RBP3: variants seen among roughly 807,000 people sequenced by gnomAD.
The protein encoded by RBP3 is retinol binding protein 3.
In RBP3, 50 loss-of-function variants were observed where a neutral mutation model predicts 64.8. The ratio of observed to expected loss-of-function variants is 0.77; its 90% CI spans 0.61 to 0.98. The LOEUF is 0.98. RBP3 is among the 50% of genes least tolerant of loss of function. The probability of loss-of-function intolerance (pLI) is 0.00; values close to 1 mark genes in which losing one functional copy is unlikely to be tolerated. For missense variants in RBP3, 1,712 were observed against 1,660.5 expected (o/e 1.03, Z -0.54); for synonymous variants, 828 against 730.2 (o/e 1.13, Z -2.16).
chr10:47,349,720 C>T lies in RBP3; in HGVS notation c.1236C>T (p.Ala412=), dbSNP rs782606625. The T allele has an allele frequency of 1.2e-6, 2 of 1,612,146 alleles. No homozygotes were observed. Among genetic ancestry groups the T allele is most frequent in the African/African-American group, 1.3e-5 (1 of 75,052 alleles). The change falls in exon 1 of 4, where the codon GCC becomes GCT. Residue 412 remains alanine (A), a synonymous_variant. Coordinates refer to ENST00000584701, the MANE Select transcript of RBP3 (RefSeq NM_002900.3). ...DAAAEDSPGV[A]PELPEDEAIR... ...CAGCCGAAGACTCACCAGGGGTGGC[C>T]CCAGAGTTGCCTGAGGACGAGGCTA...
chr10:47,349,444 C>T lies in RBP3; in HGVS notation c.960C>T (p.Leu320=), dbSNP rs1216479686. ...CCCTGGAGAAAGCCCTGGCCATCCT[C>T]ACTCTGCGCAGCGCCCTTCCAGGGG... ...EQALEKALAI[L]TLRSALPGVV... is the part of the protein sequence containing the mutation. Residue 320 remains leucine (L), a synonymous_variant, in exon 1 of 4, where the codon CTC becomes CTT. Coordinates refer to ENST00000584701, the MANE Select transcript of RBP3 (RefSeq NM_002900.3). 17 of 1,612,488 alleles carry T rather than the reference C, an allele frequency of 1.1e-5. No homozygotes were observed. The highest frequency in any genetic ancestry group is 1.4e-5 in the Non-Finnish European group (17 of 1,180,014).
At position 47,350,477 on chromosome 10, in the gene RBP3, C is replaced by T. The variant is rs782074671; in HGVS notation, c.1993C>T (p.Arg665Trp). The T allele has an allele frequency of 1.2e-5, 20 of 1,612,342 alleles. No individual in the cohort carries two copies. The highest frequency in any genetic ancestry group is 8.3e-5 in the Admixed American group (5 of 59,988). The change falls in exon 1 of 4, where the codon CGG becomes TGG. Residue 665 changes from arginine to tryptophan, a missense_variant. By Grantham distance (101) the Arg-to-Trp change is moderately radical. Transcript: ENST00000584701. ...EVVGQTSALL[R>W]AKLAQGAYRT... ...CGTGGGGCAGACCAGTGCCCTCCTGCGGGCCAAGCTGGCCCAGGGCGCCTA... is the reference window on the plus strand; with the variant it reads ...CGTGGGGCAGACCAGTGCCCTCCTGTGGGCCAAGCTGGCCCAGGGCGCCTA...
At position 47,350,142 on chromosome 10, in the gene RBP3, C is replaced by T. The variant is rs1555211270; in HGVS notation, c.1658C>T (p.Ala553Val). Residue 553 changes from alanine to valine, a missense_variant, in exon 1 of 4, where the codon GCC becomes GTC. Ala to Val is a moderately conservative substitution (Grantham distance 64). Transcript: ENST00000584701. ...ACCGCCACGGCCGCGGAGGAGTTCG[C>T]CTTCCTTATGCAGTCGCTGGGCTGG... ...HRTATAAEEF[A>V]FLMQSLGWAT... 2 of 1,612,806 alleles carry T rather than the reference C, an allele frequency of 1.2e-6. No individual in the cohort carries two copies. Among genetic ancestry groups the T allele is most frequent in the African/African-American group, 1.3e-5 (1 of 74,940 alleles).
Position 47,353,481 on chromosome 10 carries a change from A to G in RBP3, c.3211A>G (p.Ile1071Val), listed in dbSNP as rs782353104. 11 of 1,614,118 alleles carry G rather than the reference A, an allele frequency of 6.8e-6. No individual in the cohort carries two copies. The highest frequency in any genetic ancestry group is 9.3e-6 in the Non-Finnish European group (11 of 1,180,028). ...GCTGGTGGAGCACATCTGGAAGAAG[A>G]TCATGCACACGGATGCCATGATCAT... ...RLLVEHIWKK[I>V]MHTDAMIIDM... Residue 1071 changes from isoleucine to valine, a missense_variant, in exon 2 of 4, where the codon ATC becomes GTC. Ile to Val is a conservative substitution (Grantham distance 29). Transcript: ENST00000584701.
rs1836970519 is a variant in RBP3 at position 47,351,349 on chromosome 10, CGA to C, written c.2867_2868del (p.Glu956AlafsTer32). On this transcript the variant is annotated frameshift_variant, in exon 1 of 4. Transcript: ENST00000584701. LOFTEE classifies it high-confidence loss of function. ...TGGTGGCTGATAACTATGCCTCTGC[CGA>C]GCTGGGGGCCAAGATGGCCACCAAA... ...KLVADNYASA[E>X]LGAKMATKLS... 1 of 1,613,418 alleles carries C rather than the reference CGA, an allele frequency of 6.2e-7. No individual in the cohort carries two copies. The highest frequency in any genetic ancestry group is 8.5e-7 in the Non-Finnish European group (1 of 1,180,042).
In RBP3 at chr10:47,357,617, C is replaced by T; in HGVS notation, c.*160C>T. Reference sequence around the variant, plus strand: ...CTGGAGGTGTGTATATATACACACACACACATGTATATACACATATATATG... The same window carrying T: ...CTGGAGGTGTGTATATATACACACATACACATGTATATACACATATATATG... On this transcript the variant is annotated 3_prime_UTR_variant, in exon 4 of 4. Coordinates refer to ENST00000584701, the MANE Select transcript of RBP3 (RefSeq NM_002900.3). 1.6e-6 allele frequency: 1 copy of T among 608,128 alleles called. No individual in the cohort carries two copies. The highest frequency in any genetic ancestry group is 2.9e-6 in the Non-Finnish European group (1 of 339,694). The allele number at this position is 608,128 out of a possible 1,614,324, so 37.7% of individuals were successfully genotyped here.
chr10:47,356,354 C>T (rs1837046780), intron 3 of RBP3, among the ~76,000 whole-genome samples: 2 of 152,068 alleles, frequency 1.3e-5, no homozygotes. Flanking sequence ...CTCAATTCTG[C>T]AGATAATGAG....
chr10:47,349,411 C>A lies in RBP3; in HGVS notation c.927C>A (p.Ala309=). The A allele has an allele frequency of 1.2e-6, 2 of 1,611,884 alleles. No homozygotes were observed. Among genetic ancestry groups the A allele is most frequent in the South Asian group, 1.1e-5 (1 of 91,070 alleles). ...TGCTGCCCTGTGTGGGGACTCCGGC[C>A]GAGCAGGCCCTGGAGAAAGCCCTGG... is the stretch of plus-strand genomic sequence containing the variant. ...SGVLPCVGTP[A]EQALEKALAI... is the part of the protein sequence containing the mutation. The change falls in exon 1 of 4, where the codon GCC becomes GCA. Residue 309 remains alanine, a synonymous_variant. Coordinates refer to ENST00000584701, the MANE Select transcript of RBP3 (RefSeq NM_002900.3).
rs1555211803 is a variant in RBP3, at chr10:47,353,503, T to C, written c.3233T>C (p.Ile1078Thr). 1.2e-6 allele frequency: 2 copies of C among 1,613,968 alleles called. No homozygotes were observed. Among genetic ancestry groups the C allele is most frequent in the Admixed American group, 3.3e-5 (2 of 60,010 alleles). Reference sequence around the variant, plus strand: ...AAGATCATGCACACGGATGCCATGATCATCGACATGAGGTCAGTGGCCAGG... The same window carrying C: ...AAGATCATGCACACGGATGCCATGACCATCGACATGAGGTCAGTGGCCAGG... ...WKKIMHTDAM[I>T]IDMRFNIGGP... Residue 1078 changes from isoleucine (I) to threonine (T), a missense_variant, in exon 2 of 4, where the codon ATC becomes ACC. Transcript: ENST00000584701.
Position 47,350,348 on chromosome 10 carries a change from GC to G in RBP3, c.1867del (p.Leu623TrpfsTer78). ...CGATGCCATCGTGCTGGCCGAGGAG[GC>G]CCTGGACAAAGCCCAGGAAGTGCTG... ...VPDAIVLAEE[A>X]LDKAQEVLEF... On this transcript the variant is annotated frameshift_variant, in exon 1 of 4. Transcript: ENST00000584701. LOFTEE classifies it high-confidence loss of function. 1 of 1,612,194 alleles carries G rather than the reference GC, an allele frequency of 6.2e-7. No individual in the cohort carries two copies. Among genetic ancestry groups the G allele is most frequent in the Non-Finnish European group, 8.5e-7 (1 of 1,179,966 alleles).
At chr10:47,355,903 A>C (rs1837041414) in intron 3 of RBP3, among the ~76,000 whole-genome samples, 1 of 152,144 alleles carries the variant, frequency 6.6e-6, no homozygotes, top group Non-Finnish European at 1.5e-5. Context: ...GGGCATTGCC[A>C]GTGCTCACAG....
Position 47,350,875 on chromosome 10 carries a change from C to G in RBP3, c.2391C>G (p.Cys797Trp). 1 of 1,612,672 alleles carries G rather than the reference C, an allele frequency of 6.2e-7. No homozygotes were observed. Among genetic ancestry groups the G allele is most frequent in the Non-Finnish European group, 8.5e-7 (1 of 1,179,916 alleles). ...ACTCCACGGCCATCCCGCTGCTCTG[C>G]TCCTACTTCTTTGAGGCAGAGCCCC... Reference protein sequence around the residue: ...GSYSTAIPLLCSYFFEAEPRQ... With the variant: ...GSYSTAIPLLWSYFFEAEPRQ... Residue 797 changes from cysteine (C) to tryptophan (W), a missense_variant, in exon 1 of 4, where the codon TGC becomes TGG. Coordinates refer to ENST00000584701, the MANE Select transcript of RBP3 (RefSeq NM_002900.3).
chr10:47,353,609 C>A, intron 2 of RBP3, 94 bp downstream of exon 2: 1 of 1,466,770 alleles, frequency 6.8e-7, no homozygotes, highest in East Asian at 2.3e-5. Context: ...AAAAGGAACC[C>A]TGTGACACAG....
At position 47,350,939 on chromosome 10, in the gene RBP3, A is replaced by G. The variant is rs782751104; in HGVS notation, c.2455A>G (p.Lys819Glu). 4.3e-6 allele frequency: 7 copies of G among 1,612,964 alleles called. No individual in the cohort carries two copies. Among genetic ancestry groups the G allele is most frequent in the Non-Finnish European group, 5.9e-6 (7 of 1,180,006 alleles). Residue 819 changes from lysine to glutamate, a missense_variant, in exon 1 of 4, where the codon AAA becomes GAA. Coordinates refer to ENST00000584701, the MANE Select transcript of RBP3 (RefSeq NM_002900.3). ...TTCTGTCTTTGACAGGGCCACCTCA[A>G]AAGTCACGGAGGTGTGGACCTTGCC... ...LYSVFDRATSKVTEVWTLPQV... is the reference protein window; with the variant it reads ...LYSVFDRATSEVTEVWTLPQV...
chr10:47,357,022 C>A (rs1837055510), intron 3 of RBP3, 80 bp from the exon 4 acceptor site: 4 of 1,358,956 alleles, frequency 2.9e-6, no homozygotes, highest in East Asian at 4.9e-5. Flanking sequence ...TCCATCACTG[C>A]AGGCCCAGGC....
chr10:47,350,246 AGCCTCGC>A lies in RBP3; in HGVS notation c.1765_1771del (p.Leu589SerfsTer110). 6.2e-7 allele frequency: 1 copy of A among 1,607,650 alleles called. No homozygotes were observed. The highest frequency in any genetic ancestry group is 2.2e-5 in the East Asian group (1 of 44,884). On this transcript the variant is annotated frameshift_variant, in exon 1 of 4. Transcript: ENST00000584701. LOFTEE classifies it high-confidence loss of function. ...GCCGCTGCTGGACACACCCGAAGGC[AGCCTCGC>A]GCTCACCGTGCCGGTCCTCACCTTC...
rs1364272213 is a variant in RBP3 at position 47,349,887 on chromosome 10, TACAGG to T, written c.1407_1411del (p.Gln469HisfsTer30). 2 of 1,613,006 alleles carry T rather than the reference TACAGG, an allele frequency of 1.2e-6. No individual in the cohort carries two copies. The highest frequency in any genetic ancestry group is 1.7e-6 in the Non-Finnish European group (2 of 1,179,978). On this transcript the variant is annotated frameshift_variant, in exon 1 of 4. Coordinates refer to ENST00000584701, the MANE Select transcript of RBP3 (RefSeq NM_002900.3). LOFTEE classifies it high-confidence loss of function. The stretch of plus-strand genomic sequence containing the variant: ...GTCCTGCGCCAGGTGTGGGAGCCGC[TACAGG>T]ACACGGAGCACCTCATCATGGACCT...
Position 47,357,239 on chromosome 10 carries a change from C to G in RBP3, c.3526C>G (p.Gln1176Glu). 1 of 1,614,100 alleles carries G rather than the reference C, an allele frequency of 6.2e-7. No homozygotes were observed. Residue 1176 changes from glutamine (Q) to glutamate (E), a missense_variant, in exon 4 of 4, where the codon CAG becomes GAG. Gln to Glu is a conservative substitution (Grantham distance 29). Coordinates refer to ENST00000584701, the MANE Select transcript of RBP3 (RefSeq NM_002900.3). The stretch of plus-strand genomic sequence containing the variant: ...TGGGGAGGTGACCAGTGGGGGCTGC[C>G]AGCCACCACAGACCTACCACGTGGA... The part of the protein sequence containing the change: ...VIGEVTSGGC[Q>E]PPQTYHVDDT...
intron 1 of RBP3, among the ~76,000 whole-genome samples, chr10:47,352,908 G>A (rs551553125): frequency 1.5e-4 from 23 of 152,210 alleles, no homozygotes; most frequent in Non-Finnish European, 3.1e-4. Context: ...CTGTACAGGT[G>A]GCTGTGAGGA....
Sources: allele counts gnomAD v4.1 joint callset (sites outside exome capture counted in the v4.1 genomes callset), GRCh38; gene constraint gnomAD v4.1.1; transcripts MANE v1.5; gene names NCBI Gene and HGNC (gene_info 2026-07-23, HGNC 2026-07-21).